The following ZBTB20 variants were observed in gnomAD, a reference collection of about 807,000 sequenced individuals.
The protein encoded by ZBTB20 is zinc finger and BTB domain containing 20.
A neutral mutation model predicts 56.9 loss-of-function variants in ZBTB20; 9 were observed. That is an observed-to-expected ratio of 0.16 (90% CI 0.10 to 0.28). ZBTB20 has a LOEUF of 0.28. ZBTB20 is among the 10% of genes least tolerant of loss of function. The pLI is 1.00. For synonymous variants in ZBTB20, 417 were observed against 420.7 expected (o/e 0.99, Z 0.11); for missense variants, 655 against 1,003.0 (o/e 0.65, Z 4.69).
At chr3:114,400,670 T>C (rs1472525015) in intron 7 of ZBTB20, among the ~76,000 whole-genome samples, 1 of 152,070 alleles carries the variant, frequency 6.6e-6, no homozygotes, top group Non-Finnish European at 1.5e-5. Flanking sequence ...CAATCACTGT[T>C]CCTCCAGGTG....
Position 114,335,598 on chromosome 3 carries a change from T to C in ZBTB20, c.*3407A>G, listed in dbSNP as rs2079426769. The C allele has an allele frequency of 6.6e-6, 1 of 152,196 alleles. No homozygotes were observed. Among genetic ancestry groups the C allele is most frequent in the African/African-American group, 2.4e-5 (1 of 41,438 alleles). 9.4% of individuals were successfully genotyped at this position (152,196 alleles called of 1,614,324 possible). A position where few individuals can be genotyped will look rare whatever the true frequency, so the allele number is the denominator to read the frequency against. ...CAATAAACAACTACCTCTTTGCTCC[T>C]CCAGATTAGATCTCCCACTCCAATC... On this transcript the variant is annotated 3_prime_UTR_variant, in exon 12 of 12. Coordinates refer to ENST00000675478, the MANE Select transcript of ZBTB20 (RefSeq NM_001348800.3).
chr3:114,802,305 T>A (rs2071774386), intron 4 of ZBTB20, among the ~76,000 whole-genome samples: 1 of 151,924 alleles, frequency 6.6e-6, no homozygotes, highest in Admixed American at 6.6e-5. Context: ...AAATCACCCC[T>A]TAAATTGTAC....
intron 2 of ZBTB20, among the ~76,000 whole-genome samples, chr3:115,028,100 G>A (rs568943098): frequency 1.0e-3 from 152 of 150,718 alleles, no homozygotes; most frequent in African/African-American, 3.6e-3. Context: ...TCATCATGTT[G>A]TACAACAGAT....
At chr3:115,100,946 T>C (rs979581631) in intron 1 of ZBTB20, among the ~76,000 whole-genome samples, 15 of 152,214 alleles carry the variant, frequency 9.9e-5, no homozygotes, top group African/African-American at 3.1e-4. Flanking sequence ...GAAGAAATCA[T>C]TGCTCAGTTA....
At chr3:114,844,587 A>AATGGC (rs2074591102) in intron 4 of ZBTB20, among the ~76,000 whole-genome samples, 2 of 143,144 alleles carry the variant, frequency 1.4e-5, no homozygotes, top group South Asian at 4.6e-4. Context: ...GTAGGCATGA[A>AATGGC]ATGGCTGGAT....
chr3:114,741,294 A>G (rs1192190527), intron 5 of ZBTB20, among the ~76,000 whole-genome samples: 2 of 152,178 alleles, frequency 1.3e-5, no homozygotes, highest in Non-Finnish European at 2.9e-5. Context: ...CCAAATAGGC[A>G]TGTGACCTGA....
intron 5 of ZBTB20, among the ~76,000 whole-genome samples, chr3:114,697,435 T>C (rs2063111624): frequency 6.6e-6 from 1 of 152,040 alleles, no homozygotes; most frequent in African/African-American, 2.4e-5. Context: ...GACATTTTGC[T>C]GCAGCCTAGG....
chr3:114,339,119 T>TG lies in ZBTB20; in HGVS notation c.2111dup (p.Gly705ArgfsTer21). 1 of 1,610,558 alleles carries TG rather than the reference T, an allele frequency of 6.2e-7. No individual in the cohort carries two copies. The highest frequency in any genetic ancestry group is 8.5e-7 in the Non-Finnish European group (1 of 1,177,744). On this transcript the variant is annotated frameshift_variant, in exon 12 of 12. Coordinates refer to ENST00000675478, the MANE Select transcript of ZBTB20 (RefSeq NM_001348800.3). LOFTEE classifies it high-confidence loss of function. The surrounding 1 kb of genome is among the most constrained non-coding windows in gnomAD (Gnocchi z 4.2). ...TCCCCTCCGTGCAGGCCACCACGCC[T>TG]GGGGGGCCAGCGCGGGCACCTGGGG...
intron 5 of ZBTB20, among the ~76,000 whole-genome samples, chr3:114,735,089 C>T (rs183301206): frequency 9.0e-4 from 137 of 151,732 alleles, no homozygotes; most frequent in South Asian, 4.4e-3. Flanking sequence ...ATTCCCCATA[C>T]AAAAATACAT....
At chr3:114,840,149 G>C (rs2074320464) in intron 4 of ZBTB20, among the ~76,000 whole-genome samples, 1 of 152,162 alleles carries the variant, frequency 6.6e-6, no homozygotes, top group South Asian at 2.1e-4. Flanking sequence ...CTTTGAACAA[G>C]TTACTTTATA....
At chr3:114,818,478 C>G (rs2073066646) in intron 4 of ZBTB20, among the ~76,000 whole-genome samples, 1 of 151,940 alleles carries the variant, frequency 6.6e-6, no homozygotes, top group Non-Finnish European at 1.5e-5. Flanking sequence ...ATCCCAATGT[C>G]TAGTGAACAA....
At chr3:114,414,000 A>G (rs896164969) in intron 7 of ZBTB20, among the ~76,000 whole-genome samples, 2 of 151,854 alleles carry the variant, frequency 1.3e-5, no homozygotes, top group African/African-American at 2.4e-5. Context: ...ATTTGCCTTG[A>G]TATCTAAACT....
chr3:114,469,944 T>A (rs553698706), intron 7 of ZBTB20, among the ~76,000 whole-genome samples: 51 of 152,222 alleles, frequency 3.4e-4, no homozygotes, highest in Middle Eastern at 6.8e-3. Flanking sequence ...TAAAGAGGCA[T>A]ATGGAACGAA....
intron 1 of ZBTB20, among the ~76,000 whole-genome samples, chr3:115,097,326 G>C (rs1225092815): frequency 6.6e-6 from 1 of 151,832 alleles, no homozygotes; most frequent in Non-Finnish European, 1.5e-5. Context: ...CTACAGGCAT[G>C]CACCACCACG....
At chr3:114,378,878 C>T (rs1683528762) in intron 10 of ZBTB20, 1 of 152,254 alleles carries the variant, frequency 6.6e-6, no homozygotes, top group Non-Finnish European at 1.5e-5. Context: ...GCTTCTGCCC[C>T]CTGGTTTCTC....
At chr3:114,442,241 C>A (rs1470802644) in intron 7 of ZBTB20, among the ~76,000 whole-genome samples, 1 of 152,134 alleles carries the variant, frequency 6.6e-6, no homozygotes, top group East Asian at 1.9e-4. Context: ...AGGCACTCTT[C>A]TCTTCATTTA....
chr3:114,921,250 G>A (rs940224965), intron 3 of ZBTB20, among the ~76,000 whole-genome samples: 4 of 152,038 alleles, frequency 2.6e-5, no homozygotes, highest in Admixed American at 1.3e-4. Flanking sequence ...AGCTTCCCAA[G>A]TAGCTGGGAT....
intron 4 of ZBTB20, among the ~76,000 whole-genome samples, chr3:114,806,180 C>T (rs1382742207): frequency 6.6e-6 from 1 of 151,874 alleles, no homozygotes; most frequent in Admixed American, 6.6e-5. Flanking sequence ...AAACCACTTT[C>T]CAAAGTGACT....
chr3:114,523,293 T>G (rs1326399874), intron 6 of ZBTB20, among the ~76,000 whole-genome samples: 1 of 152,120 alleles, frequency 6.6e-6, no homozygotes, highest in African/African-American at 2.4e-5. Context: ...ATCAACAGTT[T>G]TACTAGACTG....
Sources: gnomAD v4.1 joint callset for allele counts (sites outside exome capture counted in the v4.1 genomes callset) on GRCh38, gnomAD v4.1.1 for gene constraint, Gnocchi (gnomAD v3.1) non-coding constraint, MANE v1.5 for transcripts, NCBI Gene and HGNC (gene_info 2026-07-23, HGNC 2026-07-21) for gene names.